Variants in ATF3 observed in about 807,000 individuals in gnomAD.
ATF3 encodes the protein activating transcription factor 3.
Under a neutral mutation model 18.4 loss-of-function variants are expected in ATF3, and 10 were observed. The ratio of observed to expected loss-of-function variants is 0.54; its 90% confidence interval spans 0.34 to 0.92. The LOEUF is 0.92. ATF3 is among the 40% of genes least tolerant of loss of function. ATF3 has a pLI of 0.02. For synonymous variants in ATF3, 78 were observed against 87.9 expected (o/e 0.89, Z 0.63); for missense variants, 183 against 222.3 (o/e 0.82, Z 1.12).
At chr1:212,610,719 C>G (rs1238591360) in intron 1 of ATF3, among the ~76,000 whole-genome samples, 1 of 152,158 alleles carries the variant, frequency 6.6e-6, no homozygotes, top group Non-Finnish European at 1.5e-5. Flanking sequence ...TCAAAGTCTC[C>G]TCTGTGATTG....
chr1:212,587,167 G>A (rs1664794434), intron 1 of ATF3, among the ~76,000 whole-genome samples: 1 of 152,152 alleles, frequency 6.6e-6, no homozygotes, highest in Non-Finnish European at 1.5e-5. Flanking sequence ...AAAAATAGAG[G>A]AAAGTGATGT....
Position 212,619,399 on chromosome 1 carries a change from T to C in ATF3, c.390T>C (p.Ala130=). Residue 130 remains alanine (A), a synonymous_variant, in exon 4 of 4, where the codon GCT becomes GCC. Transcript: ENST00000341491. The surrounding 1 kb of genome is among the most constrained non-coding windows in gnomAD (Gnocchi z 4.4). ...KLESVNAELK[A]QIEELKNEKQ... is the part of the protein sequence containing the mutation. ...AAAGTGTGAATGCTGAACTGAAGGC[T>C]CAGATTGAGGAGCTCAAGAACGAGA... 1 of 1,613,890 alleles carries C rather than the reference T, an allele frequency of 6.2e-7. No individual in the cohort carries two copies. The highest frequency in any genetic ancestry group is 8.5e-7 in the Non-Finnish European group (1 of 1,180,014).
At chr1:212,566,557 C>A (rs942257893) in intron 1 of ATF3, among the ~76,000 whole-genome samples, 1 of 152,206 alleles carries the variant, frequency 6.6e-6, no homozygotes, top group African/African-American at 2.4e-5. Context: ...GGGTTACTGG[C>A]AGGTTGAACT....
intron 1 of ATF3, among the ~76,000 whole-genome samples, chr1:212,575,179 C>T (rs905557339): frequency 1.3e-5 from 2 of 151,986 alleles, no homozygotes; most frequent in Non-Finnish European, 2.9e-5. Flanking sequence ...AATCAATAAA[C>T]ATAGTAATTC....
At chr1:212,593,743 TAAAAAA>T (rs58956572) in intron 1 of ATF3, among the ~76,000 whole-genome samples, 373 of 115,386 alleles carry the variant, frequency 3.2e-3, no homozygotes, top group East Asian at 0.011. Context: ...CCTGTCTCTT[TAAAAAA>T]AAAAAAAAAA....
chr1:212,618,926 CAGTGAAAATT>C lies in ATF3; in HGVS notation c.349-429_349-420del. 1 of 1,285,728 alleles carries C rather than the reference CAGTGAAAATT, an allele frequency of 7.8e-7. No homozygotes were observed. The highest frequency in any genetic ancestry group is 1.1e-6 in the Non-Finnish European group (1 of 902,142). The allele number at this position is 1,285,728 out of a possible 1,614,324, so 79.6% of individuals were successfully genotyped here. A position where few individuals can be genotyped will look rare whatever the true frequency, so the allele number is the denominator to read the frequency against. ...AGTTCTGTTGATTGCTTCAGGGGATCAGTGAAAATTAGGGAATTTTGTGTGTTGCTATATA... is the reference window on the plus strand; with the variant it reads ...AGTTCTGTTGATTGCTTCAGGGGATCAGGGAATTTTGTGTGTTGCTATATA... On this transcript the variant is annotated intron_variant, in intron 3 of 3. Coordinates refer to ENST00000341491, the MANE Select transcript of ATF3 (RefSeq NM_001674.4). This position sits in a 1 kb window ranked among gnomAD's most constrained non-coding sequence, Gnocchi z 4.4.
rs894917202 is a variant in ATF3, at chr1:212,620,002, C to G, written c.*447C>G. ...GAGAACAGCATTTAGTGAAGTTGTG[C>G]AACGGCCAGGGTTGTGCTTTCTAGC... is the stretch of plus-strand genomic sequence containing the variant. On this transcript the variant is annotated 3_prime_UTR_variant, in exon 4 of 4. Transcript: ENST00000341491. The G allele has an allele frequency of 1.8e-5, 4 of 225,868 alleles. No individual in the cohort carries two copies. The Admixed American group carries it at 2.1e-4, about 12-fold the overall frequency. The allele number at this position is 225,868 out of a possible 1,614,324, so 14.0% of individuals were successfully genotyped here. A position where few individuals can be genotyped will look rare whatever the true frequency, so the allele number is the denominator to read the frequency against.
intron 2 of ATF3, among the ~76,000 whole-genome samples, chr1:212,616,255 G>A (rs1655118829): frequency 6.6e-6 from 1 of 151,836 alleles, no homozygotes; most frequent in Admixed American, 6.6e-5. Flanking sequence ...TTTGAGCAGA[G>A]AAGCAACAAG....
Position 212,618,911 on chromosome 1 carries a change from A to G in ATF3, c.349-447A>G. 1.7e-6 allele frequency: 2 copies of G among 1,166,636 alleles called. No individual in the cohort carries two copies. The highest frequency in any genetic ancestry group is 2.6e-5 in the South Asian group (2 of 76,936). The allele number at this position is 1,166,636 out of a possible 1,614,324, so 72.3% of individuals were successfully genotyped here. On this transcript the variant is annotated intron_variant, in intron 3 of 3. Transcript: ENST00000341491. This position sits in a 1 kb window ranked among gnomAD's most constrained non-coding sequence, Gnocchi z 4.4. ...CCACAGATCCCCAAAAGTTCTGTTG[A>G]TTGCTTCAGGGGATCAGTGAAAATT...
rs1655234336 is a variant in ATF3, at chr1:212,618,551, T to C, written c.348+317T>C. 2 of 428,146 alleles carry C rather than the reference T, an allele frequency of 4.7e-6. No homozygotes were observed. Among genetic ancestry groups the C allele is most frequent in the South Asian group, 4.8e-5 (2 of 41,752 alleles). The allele number at this position is 428,146 out of a possible 1,614,324, so 26.5% of individuals were successfully genotyped here. ...GCCAGCCCAGTTAAAGAGGCTTCAC[T>C]TGACTGTTTTCCTGAGAAAAGGAAG... On this transcript the variant is annotated intron_variant, in intron 3 of 3. Transcript: ENST00000341491. This position sits in a 1 kb window ranked among gnomAD's most constrained non-coding sequence, Gnocchi z 4.4.
chr1:212,567,182 C>G (rs1558221668), intron 1 of ATF3, among the ~76,000 whole-genome samples: 2 of 151,608 alleles, frequency 1.3e-5, no homozygotes, highest in East Asian at 3.9e-4. Context: ...TTTGAAGCCC[C>G]AGGCACTGAG....
At chr1:212,593,741 T>TC (rs1664934394) in intron 1 of ATF3, among the ~76,000 whole-genome samples, 1 of 31,944 alleles carries the variant, frequency 3.1e-5, no homozygotes, top group Admixed American at 3.2e-4. Context: ...ACCCTGTCTC[T>TC]TTAAAAAAAA....
intron 1 of ATF3, among the ~76,000 whole-genome samples, chr1:212,595,454 T>A (rs1571772585): frequency 6.6e-6 from 1 of 152,244 alleles, no homozygotes; most frequent in Admixed American, 6.5e-5. Context: ...CGCAGCTCAG[T>A]GGCTCTACAT....
chr1:212,567,981 G>T (rs1305155556), intron 1 of ATF3, among the ~76,000 whole-genome samples: 3 of 152,184 alleles, frequency 2.0e-5, no homozygotes, highest in African/African-American at 7.2e-5. Context: ...CACTTTCTTT[G>T]CCTATGTCAG....
rs373525930 is a variant in ATF3 at position 212,615,032 on chromosome 1, A to C, written c.11A>C (p.Gln4Pro). Residue 4 changes from glutamine (Q) to proline (P), a missense_variant, in exon 2 of 4, where the codon CAA (glutamine) becomes CCA (proline). Coordinates refer to ENST00000341491, the MANE Select transcript of ATF3 (RefSeq NM_001674.4). MML[Q>P]HPGQVSASEV... ...GTGTCTTTCAGCAAAATGATGCTTC[A>C]ACACCCAGGCCAGGTCTCTGCCTCG... The C allele has an allele frequency of 6.2e-7, 1 of 1,614,042 alleles. No individual in the cohort carries two copies. Among genetic ancestry groups the C allele is most frequent in the African/African-American group, 1.3e-5 (1 of 74,906 alleles).
At chr1:212,600,304 G>A (rs1654444557) in intron 1 of ATF3, among the ~76,000 whole-genome samples, 3 of 152,200 alleles carry the variant, frequency 2.0e-5, no homozygotes, top group African/African-American at 7.2e-5. Context: ...TGGGGACAGA[G>A]TCCAAACTGA....
chr1:212,567,120 C>T (rs973810757), intron 1 of ATF3, among the ~76,000 whole-genome samples: 4 of 152,242 alleles, frequency 2.6e-5, no homozygotes, highest in Middle Eastern at 3.4e-3. Context: ...TCTCTTCCCG[C>T]CCACAGAAAG....
chr1:212,576,018 T>G (rs1234683319), intron 1 of ATF3, among the ~76,000 whole-genome samples: 1 of 152,122 alleles, frequency 6.6e-6, no homozygotes, highest in Non-Finnish European at 1.5e-5. Flanking sequence ...CCTCCTACCC[T>G]CTGAAAGAAT....
At chr1:212,606,827 G>A (rs1488491850), upstream of ATF3, among the ~76,000 whole-genome samples, 1 of 152,220 alleles carries the variant, frequency 6.6e-6, no homozygotes, top group Non-Finnish European at 1.5e-5. Flanking sequence ...TGTCCGCCGG[G>A]CTGCTCCGAC....
Sources: gnomAD v4.1 joint callset for allele counts (sites outside exome capture counted in the v4.1 genomes callset) on GRCh38, gnomAD v4.1.1 for gene constraint, Gnocchi (gnomAD v3.1) non-coding constraint, MANE v1.5 for transcripts, NCBI Gene and HGNC (gene_info 2026-07-23, HGNC 2026-07-21) for gene names.